SMTNL2: variants seen among roughly 807,000 people sequenced by gnomAD.
The protein encoded by SMTNL2 is smoothelin like 2, also known as smoothelin-like protein 2.
SMTNL2 carries 43 observed loss-of-function variants against 44.1 expected under a neutral mutation model. The observed-to-expected ratio is 0.98, with a 90% confidence interval of 0.76 to 1.26. The LOEUF is 1.26. SMTNL2 is among the 50% of genes most tolerant of loss of function. The probability of loss-of-function intolerance (pLI) is 0.00; values close to 1 mark genes in which losing one functional copy is unlikely to be tolerated. For missense variants in SMTNL2, 646 were observed against 670.2 expected, an observed-to-expected ratio of 0.96 and a Z score of 0.40; for synonymous variants, 317 against 287.6, an observed-to-expected ratio of 1.10 and a Z score of -1.03.
In SMTNL2 at chr17:4,605,762, T is replaced by C. The variant is rs190925279; in HGVS notation, c.1260-1599T>C. 6.0e-4 allele frequency among the ~76,000 whole-genome samples: 91 copies of C among 152,234 alleles called. 1 individual carries two copies. The highest frequency in any genetic ancestry group is 3.8e-4 in the Non-Finnish European group (26 of 68,014). On this transcript the variant is annotated intron_variant, in intron 7 of 7. Transcript: ENST00000389313. Reference sequence around the variant, plus strand: ...GCACTGACAATCGGGCCAAGTGCGATCGTTTTTGCCTTTTTGGTTCTGCCT... The same window carrying C: ...GCACTGACAATCGGGCCAAGTGCGACCGTTTTTGCCTTTTTGGTTCTGCCT...
Position 4,593,118 on chromosome 17 carries a change from G to T in SMTNL2, c.677G>T (p.Gly226Val). The T allele has an allele frequency of 1.2e-6, 2 of 1,613,434 alleles. No individual in the cohort carries two copies. Among genetic ancestry groups the T allele is most frequent in the Non-Finnish European group, 1.7e-6 (2 of 1,179,678 alleles). Residue 226 changes from glycine (G) to valine (V), a missense_variant, in exon 3 of 8, where the codon GGC becomes GTC. Gly to Val is a moderately radical substitution (Grantham distance 109). Transcript: ENST00000389313. Reference sequence around the variant, plus strand: ...CCCATGTCTGCTGCCACCCTGGGGGGCCTCAACCCAAGCCCCAGCGAGGTC... The same window carrying T: ...CCCATGTCTGCTGCCACCCTGGGGGTCCTCAACCCAAGCCCCAGCGAGGTC... Reference protein sequence around the residue: ...LSPMSAATLGGLNPSPSEVIT... With the variant: ...LSPMSAATLGVLNPSPSEVIT...
intron 6 of SMTNL2, 48 bp from the exon 7 acceptor site, chr17:4,597,124 T>C: frequency 6.3e-7 from 1 of 1,590,250 alleles, no homozygotes; most frequent in Non-Finnish European, 8.6e-7. Flanking sequence ...GCCTTCCGAG[T>C]GGGTGCCCAG....
At chr17:4,588,189 C>A (rs1287614628) in intron 1 of SMTNL2, among the ~76,000 whole-genome samples, 1 of 152,230 alleles carries the variant, frequency 6.6e-6, no homozygotes, top group Non-Finnish European at 1.5e-5. Context: ...TAGGATGGGG[C>A]TCTGGCCCTG....
chr17:4,595,814 C>G lies in SMTNL2; in HGVS notation c.989+487C>G, dbSNP rs1046332818. Among the ~76,000 whole-genome samples, 1 of 152,250 alleles carries G rather than the reference C, an allele frequency of 6.6e-6. No homozygotes were observed. The highest frequency in any genetic ancestry group is 2.4e-5 in the African/African-American group (1 of 41,462). Reference sequence around the variant, plus strand: ...CTCCAGCCTGCTACTAGGTCTCGAGCGACGGCTCCTCAGGCTCCAGCCCAC... The same window carrying G: ...CTCCAGCCTGCTACTAGGTCTCGAGGGACGGCTCCTCAGGCTCCAGCCCAC... On this transcript the variant is annotated intron_variant, in intron 5 of 7. Transcript: ENST00000389313. This position sits in a 1 kb window ranked among gnomAD's most constrained non-coding sequence, Gnocchi z 5.1.
chr17:4,607,868 G>T lies in SMTNL2; in HGVS notation c.*381G>T, dbSNP rs925510731. 1.3e-4 allele frequency: 21 copies of T among 156,956 alleles called. No homozygotes were observed. The highest frequency in any genetic ancestry group is 2.2e-4 in the Non-Finnish European group (16 of 71,274). The allele number at this position is 156,956 out of a possible 1,614,324, so 9.7% of individuals were successfully genotyped here. On this transcript the variant is annotated 3_prime_UTR_variant, in exon 8 of 8. Transcript: ENST00000389313. This position sits in a 1 kb window ranked among gnomAD's most constrained non-coding sequence, Gnocchi z 4.7. Reference sequence around the variant, plus strand: ...TACAGGGTTACAGTGATTACCAAGTGTTTTTTTTTATCAAAATACCCAGAG... The same window carrying T: ...TACAGGGTTACAGTGATTACCAAGTTTTTTTTTTTATCAAAATACCCAGAG...
rs1358453063 is a variant in SMTNL2, at chr17:4,592,262, G to C, written c.400-99G>C. 5 of 1,072,860 alleles carry C rather than the reference G, an allele frequency of 4.7e-6. No individual in the cohort carries two copies. The highest frequency in any genetic ancestry group is 6.7e-6 in the Non-Finnish European group (5 of 742,494). 66.5% of individuals were successfully genotyped at this position (1,072,860 alleles called of 1,614,324 possible). Reference sequence around the variant, plus strand: ...GCTGTTTTCTCTCAACATGATTGGTGTTTTGCCAGAACGGGAGGGGATTTG... The same window carrying C: ...GCTGTTTTCTCTCAACATGATTGGTCTTTTGCCAGAACGGGAGGGGATTTG... On this transcript the variant is annotated intron_variant, in intron 1 of 7. Coordinates refer to ENST00000389313, the MANE Select transcript of SMTNL2 (RefSeq NM_001114974.2). This position sits in a 1 kb window ranked among gnomAD's most constrained non-coding sequence, Gnocchi z 4.5.
At chr17:4,593,235 G>A (rs1355931313) in intron 3 of SMTNL2, 64 bp downstream of exon 3, 2 of 1,514,444 alleles carry the variant, frequency 1.3e-6, no homozygotes, top group East Asian at 4.6e-5. Flanking sequence ...GGAAGGCCGG[G>A]GCTGGGGAGA....
chr17:4,597,123 G>A (rs1567635851), intron 6 of SMTNL2, 49 bp from the exon 7 acceptor site: 2 of 1,590,418 alleles, frequency 1.3e-6, no homozygotes, highest in Non-Finnish European at 1.7e-6. Flanking sequence ...TGCCTTCCGA[G>A]TGGGTGCCCA....
At chr17:4,597,718 C>T (rs781549167) in intron 7 of SMTNL2, among the ~76,000 whole-genome samples, 4 of 152,228 alleles carry the variant, frequency 2.6e-5, no homozygotes, top group Non-Finnish European at 5.9e-5. Flanking sequence ...CCACAGCTGC[C>T]AGTTAGCAAG....
rs1243575995 is a variant in SMTNL2 at position 4,607,546 on chromosome 17, C to T, written c.*59C>T. ...CAGGAAGAGGCCGGGGGTCCGCTTG[C>T]GATTCCCCAGCCAGGATGCCCCCAG... On this transcript the variant is annotated 3_prime_UTR_variant, in exon 8 of 8. Coordinates refer to ENST00000389313, the MANE Select transcript of SMTNL2 (RefSeq NM_001114974.2). The surrounding 1 kb of genome is among the most constrained non-coding windows in gnomAD (Gnocchi z 4.7). The T allele has an allele frequency of 6.3e-6, 10 of 1,586,508 alleles. No individual in the cohort carries two copies. The Admixed American group carries it at 8.6e-5, about 14-fold the overall frequency.
In SMTNL2 at chr17:4,596,173, G is replaced by A. The variant is rs561484016; in HGVS notation, c.990-687G>A. The stretch of plus-strand genomic sequence containing the variant: ...CAAGCGTGGTATTGATGCCTGCTGT[G>A]TGCAGGGTGTGGCCCAAGCGTGGTA... On this transcript the variant is annotated intron_variant, in intron 5 of 7. Transcript: ENST00000389313. Among the ~76,000 whole-genome samples the A allele has an allele frequency of 3.6e-4, 53 of 148,766 alleles. 1 individual carries two copies. In the South Asian group the frequency reaches 0.011, roughly 31 times the overall value.
chr17:4,587,202 A>G lies in SMTNL2; in HGVS notation c.399+2198A>G, dbSNP rs569603184. Among the ~76,000 whole-genome samples, 6 of 152,266 alleles carry G rather than the reference A, an allele frequency of 3.9e-5. No individual in the cohort carries two copies. The South Asian group carries it at 1.0e-3, about 26-fold the overall frequency. The stretch of plus-strand genomic sequence containing the variant: ...GGAGACCCAGGCACCCAGGGGCATG[A>G]GCAGCAAGGGTAGCTGAGCACTGTG... On this transcript the variant is annotated intron_variant, in intron 1 of 7. Transcript: ENST00000389313.
rs1367299253 is a variant in SMTNL2, at chr17:4,597,237, C to T, written c.1173C>T (p.His391=). Residue 391 remains histidine, a synonymous_variant, in exon 7 of 8, where the codon CAC becomes CAT. Coordinates refer to ENST00000389313, the MANE Select transcript of SMTNL2 (RefSeq NM_001114974.2). ...GCATGGCCTTCTGCGCCCTGGTACACTCCTTCTTCCCCGATGCCTTTGACT... is the reference window on the plus strand; with the variant it reads ...GCATGGCCTTCTGCGCCCTGGTACATTCCTTCTTCCCCGATGCCTTTGACT... ...SDGMAFCALV[H]SFFPDAFDYN... 1.2e-6 allele frequency: 2 copies of T among 1,614,220 alleles called. No homozygotes were observed.
intron 4 of SMTNL2, among the ~76,000 whole-genome samples, chr17:4,594,247 G>C (rs1348816203): frequency 6.6e-6 from 1 of 152,106 alleles, no homozygotes; most frequent in Non-Finnish European, 1.5e-5. Flanking sequence ...TCAAGAGTTC[G>C]AGACCAGACT....
In SMTNL2 at chr17:4,607,296, C is replaced by G. The variant is rs1910316460; in HGVS notation, c.1260-65C>G. The G allele has an allele frequency of 1.2e-5, 19 of 1,596,796 alleles. No individual in the cohort carries two copies. The highest frequency in any genetic ancestry group is 1.5e-5 in the Non-Finnish European group (17 of 1,170,954). ...TGTTCCCGGGACCGAGACACCGGCC[C>G]TGTCGCGGCTGTGGGGCTGGCTGAT... On this transcript the variant is annotated intron_variant, in intron 7 of 7. Transcript: ENST00000389313. The surrounding 1 kb of genome is among the most constrained non-coding windows in gnomAD (Gnocchi z 4.7).
intron 3 of SMTNL2, 59 bp downstream of exon 3, chr17:4,593,230 G>C: frequency 6.6e-7 from 1 of 1,522,004 alleles, no homozygotes; most frequent in Non-Finnish European, 8.8e-7. Flanking sequence ...GAGAGGGAAG[G>C]CCGGGGCTGG....
In SMTNL2 at chr17:4,598,653, G is replaced by A. The variant is rs1909912343; in HGVS notation, c.1259+1330G>A. Among the ~76,000 whole-genome samples, 1 of 152,094 alleles carries A rather than the reference G, an allele frequency of 6.6e-6. No individual in the cohort carries two copies. Among genetic ancestry groups the A allele is most frequent in the Admixed American group, 6.6e-5 (1 of 15,260 alleles). ...AGCTTGGGCAACACGGCGAAACCCT[G>A]TCTCTACTAAAATACAAAAAATTAG... On this transcript the variant is annotated intron_variant, in intron 7 of 7. Coordinates refer to ENST00000389313, the MANE Select transcript of SMTNL2 (RefSeq NM_001114974.2). The surrounding 1 kb of genome is among the most constrained non-coding windows in gnomAD (Gnocchi z 4.8).
chr17:4,597,190 T>C lies in SMTNL2; in HGVS notation c.1126T>C (p.Phe376Leu). Residue 376 changes from phenylalanine (F) to leucine (L), a missense_variant, in exon 7 of 8, where the codon TTC (phenylalanine) becomes CTC (leucine). Phe to Leu is a conservative substitution (Grantham distance 22, BLOSUM62 0). Coordinates refer to ENST00000389313, the MANE Select transcript of SMTNL2 (RefSeq NM_001114974.2). ...LGYQHVDLQN[F>L]SSSWSDGMAF... ...GTTGCAGCACGTGGACCTGCAGAAC[T>C]TCTCCTCCAGCTGGAGCGACGGCAT... 6.2e-7 allele frequency: 1 copy of C among 1,613,808 alleles called. No individual in the cohort carries two copies. Among genetic ancestry groups the C allele is most frequent in the South Asian group, 1.1e-5 (1 of 91,078 alleles).
intron 7 of SMTNL2, among the ~76,000 whole-genome samples, chr17:4,605,572 G>A (rs2150526930): frequency 6.6e-6 from 1 of 152,244 alleles, no homozygotes; most frequent in East Asian, 1.9e-4. Context: ...TTCACAGATG[G>A]AGAAACTGAA....
Sources: gnomAD v4.1 joint callset for allele counts (sites outside exome capture counted in the v4.1 genomes callset) on GRCh38, gnomAD v4.1.1 for gene constraint, Gnocchi (gnomAD v3.1) non-coding constraint, MANE v1.5 for transcripts, NCBI Gene and HGNC (gene_info 2026-07-23, HGNC 2026-07-21) for gene names.